TMEM132C: variants seen among roughly 807,000 people sequenced by gnomAD.
TMEM132C encodes the protein transmembrane protein 132C, also known as protein phosphatase 1, regulatory subunit 152.
In TMEM132C, 29 loss-of-function variants were observed where a neutral mutation model predicts 61.4. The ratio of observed to expected loss-of-function variants is 0.47; its 90% confidence interval spans 0.35 to 0.64. The LOEUF is 0.64. TMEM132C is among the 30% of genes least tolerant of loss of function. TMEM132C has a pLI of 0.00. For missense variants in TMEM132C, 1,408 were observed against 1,476.9 expected (o/e 0.95, Z 0.76); for synonymous variants, 656 against 633.1 (o/e 1.04, Z -0.54).
chr12:128,321,477 A>G (rs1172234112), intron 1 of TMEM132C, among the ~76,000 whole-genome samples: 3 of 152,184 alleles, frequency 2.0e-5, no homozygotes, highest in Non-Finnish European at 4.4e-5. Context: ...GGTGTTAGAG[A>G]TGGAGAGGGT....
Position 128,349,937 on chromosome 12 carries a change from A to G in TMEM132C, c.86-64795A>G, listed in dbSNP as rs1873285247. Among the ~76,000 whole-genome samples the G allele has an allele frequency of 7.9e-5, 12 of 152,156 alleles. No homozygotes were observed. In the South Asian group the frequency reaches 2.3e-3, roughly 29 times the overall value. On this transcript the variant is annotated intron_variant, in intron 1 of 8. Coordinates refer to ENST00000435159, the MANE Select transcript of TMEM132C (RefSeq NM_001136103.3). The stretch of plus-strand genomic sequence containing the variant: ...GTACCGTACACACACACACACACAC[A>G]CACACGTGCAAGCATACATGTGTGA...
rs1011226923 is a variant in TMEM132C at position 128,544,109 on chromosome 12, C to T, written c.1121+6C>T. The stretch of plus-strand genomic sequence containing the variant: ...GGGCCCAGCCCACGCAACAGGTAAG[C>T]GGTGCCCTCCCTGCAAGCGTGTGTG... On this transcript the variant is annotated splice_donor_region_variant and intron_variant, in intron 3 of 8. Coordinates refer to ENST00000435159, the MANE Select transcript of TMEM132C (RefSeq NM_001136103.3). 1.8e-5 allele frequency: 27 copies of T among 1,519,672 alleles called. No homozygotes were observed. The highest frequency in any genetic ancestry group is 2.2e-5 in the Admixed American group (1 of 46,132). The allele number at this position is 1,519,672 out of a possible 1,614,324, so 94.1% of individuals were successfully genotyped here.
At chr12:128,564,129 G>A (rs2136165828) in intron 3 of TMEM132C, among the ~76,000 whole-genome samples, 1 of 152,326 alleles carries the variant, frequency 6.6e-6, no homozygotes, top group African/African-American at 2.4e-5. Flanking sequence ...ATGGCAGAGA[G>A]AGCATTCCGG....
chr12:128,441,827 T>G (rs752620422), intron 2 of TMEM132C, among the ~76,000 whole-genome samples: 10 of 152,098 alleles, frequency 6.6e-5, no homozygotes, highest in Non-Finnish European at 1.0e-4. Flanking sequence ...AACACATGTC[T>G]ACTAAAAATA....
intron 2 of TMEM132C, among the ~76,000 whole-genome samples, chr12:128,497,673 A>G (rs926563992): frequency 2.0e-5 from 3 of 152,084 alleles, no homozygotes; most frequent in Non-Finnish European, 2.9e-5. Context: ...TGCTAAGACC[A>G]TTGGAAAAGC....
intron 4 of TMEM132C, among the ~76,000 whole-genome samples, chr12:128,635,821 T>C (rs765838147): frequency 1.3e-5 from 2 of 152,184 alleles, no homozygotes; most frequent in Non-Finnish European, 2.9e-5. Flanking sequence ...ACATGCCAGC[T>C]CCCTGCCCTA....
At chr12:128,629,970 TAAA>T (rs35956352) in intron 4 of TMEM132C, among the ~76,000 whole-genome samples, 2 of 135,006 alleles carry the variant, frequency 1.5e-5, no homozygotes, top group African/African-American at 2.8e-5. Context: ...CCGTCTAAAT[TAAA>T]AAAAAAAAAA....
At chr12:128,417,642 C>T (rs1236579707) in intron 2 of TMEM132C, among the ~76,000 whole-genome samples, 1 of 152,144 alleles carries the variant, frequency 6.6e-6, no homozygotes, top group African/African-American at 2.4e-5. Context: ...GTACCTGCTT[C>T]GATGGGGTTG....
chr12:128,348,249 A>G lies in TMEM132C; in HGVS notation c.86-66483A>G, dbSNP rs529944386. Reference sequence around the variant, plus strand: ...TTCATTTTGGATTGTTCATTGTATCATATAGAAATACCATTGATGCCTGCA... The same window carrying G: ...TTCATTTTGGATTGTTCATTGTATCGTATAGAAATACCATTGATGCCTGCA... On this transcript the variant is annotated intron_variant, in intron 1 of 8. Transcript: ENST00000435159. Among the ~76,000 whole-genome samples, 6 of 152,346 alleles carry G rather than the reference A, an allele frequency of 3.9e-5. 1 individual carries two copies. In the East Asian group the frequency reaches 1.2e-3, roughly 29 times the overall value.
At chr12:128,573,394 T>C (rs1436202817) in intron 3 of TMEM132C, among the ~76,000 whole-genome samples, 12 of 151,926 alleles carry the variant, frequency 7.9e-5, no homozygotes, top group African/African-American at 1.7e-4. Flanking sequence ...TAGGTGGGAA[T>C]TGAACAATGA....
chr12:128,677,350 C>T (rs112745178), intron 5 of TMEM132C, among the ~76,000 whole-genome samples: 7 of 152,106 alleles, frequency 4.6e-5, no homozygotes, highest in African/African-American at 9.7e-5. Context: ...AGAACAGAAG[C>T]GGTCCCTGCC....
At chr12:128,411,501 A>G (rs183391369) in intron 1 of TMEM132C, among the ~76,000 whole-genome samples, 1 of 152,284 alleles carries the variant, frequency 6.6e-6, no homozygotes, top group East Asian at 1.9e-4. Flanking sequence ...AATTATCTTC[A>G]GTGTGTTCAG....
intron 4 of TMEM132C, among the ~76,000 whole-genome samples, chr12:128,662,555 C>T (rs372957199): frequency 2.2e-4 from 34 of 152,202 alleles, no homozygotes; most frequent in African/African-American, 7.5e-4. Flanking sequence ...GCCCTGGGCT[C>T]GACATTCAAA....
At chr12:128,284,539 A>G (rs1438345034) in intron 1 of TMEM132C, among the ~76,000 whole-genome samples, 2 of 152,222 alleles carry the variant, frequency 1.3e-5, no homozygotes, top group Admixed American at 6.5e-5. Flanking sequence ...GCCAATCCAC[A>G]TCAATCTAAG....
intron 4 of TMEM132C, among the ~76,000 whole-genome samples, chr12:128,620,395 A>G (rs1448454740): frequency 6.6e-6 from 1 of 152,140 alleles, no homozygotes; most frequent in Non-Finnish European, 1.5e-5. Context: ...CAGACAGCAA[A>G]CAGGTAGATA....
intron 1 of TMEM132C, among the ~76,000 whole-genome samples, chr12:128,270,400 G>C (rs1870469151): frequency 6.6e-6 from 1 of 152,182 alleles, no homozygotes; most frequent in Admixed American, 6.5e-5. Flanking sequence ...CTGACTTTGT[G>C]TGCAATGTAT....
At chr12:128,457,094 G>A (rs764812019) in intron 2 of TMEM132C, among the ~76,000 whole-genome samples, 13 of 152,062 alleles carry the variant, frequency 8.5e-5, no homozygotes, top group Admixed American at 2.6e-4. Flanking sequence ...AAGCTGCTAT[G>A]AATATTTATA....
chr12:128,279,081 T>A (rs1004185008), intron 1 of TMEM132C, among the ~76,000 whole-genome samples: 1 of 152,166 alleles, frequency 6.6e-6, no homozygotes, highest in Non-Finnish European at 1.5e-5. Context: ...CTCTATTGGT[T>A]CTATTTCCCA....
intron 5 of TMEM132C, among the ~76,000 whole-genome samples, chr12:128,674,621 A>C (rs1457971472): frequency 6.6e-6 from 1 of 152,140 alleles, no homozygotes; most frequent in Non-Finnish European, 1.5e-5. Context: ...AATCCAGCAG[A>C]TCTGGCAGAG....
Sources: allele counts gnomAD v4.1 joint callset (sites outside exome capture counted in the v4.1 genomes callset), GRCh38; gene constraint gnomAD v4.1.1; transcripts MANE v1.5; gene names NCBI Gene and HGNC (gene_info 2026-07-23, HGNC 2026-07-21).